PIGL: variants seen among roughly 807,000 people sequenced by gnomAD.
The protein encoded by PIGL is phosphatidylinositol glycan anchor biosynthesis class L, also known as N-acetylglucosaminyl-phosphatidylinositol de-N-acetylase.
A neutral mutation model predicts 31.1 loss-of-function variants in PIGL; 22 were observed. The observed-to-expected ratio is 0.71, with a 90% CI of 0.51 to 1.01. The LOEUF (loss-of-function observed/expected upper bound fraction) is 1.01. Among genes scored for constraint, PIGL ranks in the 50% least tolerant of loss-of-function variants. The probability of loss-of-function intolerance (pLI) is 0.00; values close to 1 mark genes in which losing one functional copy is unlikely to be tolerated. For missense variants in PIGL, 302 were observed against 315.9 expected, an observed-to-expected ratio of 0.96 and a Z score of 0.33; for synonymous variants, 131 against 117.4, an observed-to-expected ratio of 1.12 and a Z score of -0.75.
At chr17:16,234,236 G>C (rs1016170841) in intron 2 of PIGL, 166 bp downstream of exon 2, 35 of 492,226 alleles carry the variant, frequency 7.1e-5, no homozygotes, top group Non-Finnish European at 1.2e-4. Context: ...TTGGGAGGCC[G>C]AGGTGGGCGG....
chr17:16,301,599 T>C (rs2142838782), intron 3 of PIGL, among the ~76,000 whole-genome samples: 1 of 138,268 alleles, frequency 7.2e-6, no homozygotes, highest in East Asian at 2.1e-4. Flanking sequence ...TGAGACAGAG[T>C]CTCGCTCTGT....
chr17:16,320,227 AAGGAAGG>A (rs2093097713), intron 6 of PIGL, among the ~76,000 whole-genome samples: 1 of 111,786 alleles, frequency 8.9e-6, no homozygotes, highest in Non-Finnish European at 1.8e-5. Context: ...GGAAGGAAGG[AAGGAAGG>A]AAGGAAGGAA....
intron 2 of PIGL, among the ~76,000 whole-genome samples, chr17:16,294,097 C>A (rs2092971578): frequency 6.6e-6 from 1 of 152,266 alleles, no homozygotes; most frequent in East Asian, 1.9e-4. Context: ...TTTAGTGGCT[C>A]CACCCCCTGA....
chr17:16,319,528 G>T (rs1457343302), intron 6 of PIGL, among the ~76,000 whole-genome samples: 1 of 152,168 alleles, frequency 6.6e-6, no homozygotes, highest in African/African-American at 2.4e-5. Flanking sequence ...GCCGAGACAG[G>T]CAGATTGTCT....
chr17:16,228,404 A>G (rs1178488577), intron 1 of PIGL, among the ~76,000 whole-genome samples: 2 of 151,096 alleles, frequency 1.3e-5, no homozygotes, highest in Non-Finnish European at 2.9e-5. Flanking sequence ...TATTTTTTTG[A>G]GACGGAGTCT....
chr17:16,284,135 CCAGGTAATTTTTTG>C (rs1439570183), intron 2 of PIGL: 1 of 152,272 alleles, frequency 6.6e-6, no homozygotes, highest in Non-Finnish European at 1.5e-5. Context: ...GCCACCACAC[CCAGGTAATTTTTTG>C]CATTTTTAGT....
intron 2 of PIGL, among the ~76,000 whole-genome samples, chr17:16,236,318 A>G (rs1050634853): frequency 1.3e-5 from 2 of 152,140 alleles, no homozygotes; most frequent in Non-Finnish European, 2.9e-5. Context: ...ATGTTCTTTA[A>G]TACTAAATTG....
intron 2 of PIGL, among the ~76,000 whole-genome samples, chr17:16,271,698 A>G (rs980699625): frequency 1.3e-5 from 2 of 151,800 alleles, no homozygotes; most frequent in African/African-American, 4.8e-5. Flanking sequence ...CACCCAGCTA[A>G]TTTTTGTATT....
intron 2 of PIGL, among the ~76,000 whole-genome samples, chr17:16,251,621 G>A (rs1311249487): frequency 6.6e-6 from 1 of 150,882 alleles, no homozygotes; most frequent in Non-Finnish European, 1.5e-5. Flanking sequence ...CATAATCTCA[G>A]TTGTAAGACC....
intron 2 of PIGL, among the ~76,000 whole-genome samples, chr17:16,240,523 A>C (rs1001003058): frequency 1.3e-5 from 2 of 151,962 alleles, no homozygotes; most frequent in Admixed American, 6.6e-5. Flanking sequence ...ATTTTATTTG[A>C]GACAGAGTTT....
chr17:16,324,331 T>C (rs1030687014), intron 6 of PIGL: 2 of 151,950 alleles, frequency 1.3e-5, no homozygotes, highest in Admixed American at 1.3e-4. Context: ...CTATTTTATA[T>C]TTATTTATTT....
At chr17:16,320,206 G>A in intron 6 of PIGL, among the ~76,000 whole-genome samples, 2 of 2,974 alleles carry the variant, frequency 6.7e-4, no homozygotes, top group African/African-American at 8.1e-4. Flanking sequence ...GAAAGAAAAG[G>A]AAGGAAGGAA....
chr17:16,322,485 C>T (rs2093110363), intron 6 of PIGL, among the ~76,000 whole-genome samples: 2 of 152,028 alleles, frequency 1.3e-5, no homozygotes, highest in African/African-American at 4.8e-5. Context: ...TATTAATTTT[C>T]CTTGAAGTGT....
chr17:16,241,713 T>C (rs1401832463), intron 2 of PIGL, among the ~76,000 whole-genome samples: 1 of 152,128 alleles, frequency 6.6e-6, no homozygotes, highest in African/African-American at 2.4e-5. Context: ...GTGGGAATAC[T>C]TGAGAAAATT....
Position 16,233,109 on chromosome 17 carries a change from TA to T in PIGL, c.236-848del, listed in dbSNP as rs35821817. On this transcript the variant is annotated intron_variant, in intron 1 of 6. Coordinates refer to ENST00000225609, the MANE Select transcript of PIGL (RefSeq NM_004278.4). The stretch of plus-strand genomic sequence containing the variant: ...AGCCAGGGCGACAGAGCAAGACTCT[TA>T]AAAAAAAAAAAAATGGCCATTATCT... Among the ~76,000 whole-genome samples, 208 of 144,272 alleles carry T rather than the reference TA, an allele frequency of 1.4e-3. 1 individual carries two copies. Among genetic ancestry groups the T allele is most frequent in the African/African-American group, 1.5e-3 (59 of 38,860 alleles). 94.6% of individuals were successfully genotyped at this position (144,272 alleles called of 152,430 possible).
intron 1 of PIGL, among the ~76,000 whole-genome samples, chr17:16,231,082 T>C (rs2092676885): frequency 7.1e-6 from 1 of 141,744 alleles, no homozygotes; most frequent in Non-Finnish European, 1.5e-5. Flanking sequence ...TTTTTTTTTT[T>C]TTTTTTTGGT....
chr17:16,260,875 T>C (rs1056913195), intron 2 of PIGL, among the ~76,000 whole-genome samples: 1 of 152,004 alleles, frequency 6.6e-6, no homozygotes, highest in East Asian at 1.9e-4. Context: ...ATCCCAGCAC[T>C]TTGGGAGGCT....
chr17:16,295,288 C>G (rs117323751), intron 2 of PIGL, among the ~76,000 whole-genome samples: 1 of 151,410 alleles, frequency 6.6e-6, no homozygotes, highest in Admixed American at 6.6e-5. Flanking sequence ...CCTGTAATCC[C>G]GATTACTGAC....
intron 2 of PIGL, among the ~76,000 whole-genome samples, chr17:16,264,409 G>T (rs1178668290): frequency 2.0e-5 from 3 of 151,814 alleles, no homozygotes; most frequent in Admixed American, 6.6e-5. Context: ...GCCTCCCAAA[G>T]TTCTGAGATT....
Sources: gnomAD v4.1 joint callset for allele counts (sites outside exome capture counted in the v4.1 genomes callset) on GRCh38, gnomAD v4.1.1 for gene constraint, MANE v1.5 for transcripts, NCBI Gene and HGNC (gene_info 2026-07-23, HGNC 2026-07-21) for gene names.